MACROD2: variants seen among roughly 807,000 people sequenced by gnomAD.
The protein encoded by MACROD2 is mono-ADP ribosylhydrolase 2.
MACROD2 carries 36 observed loss-of-function variants against 70.4 expected under a neutral mutation model. That is an observed-to-expected ratio of 0.51 (90% CI 0.39 to 0.68). The LOEUF (loss-of-function observed/expected upper bound fraction) is 0.68, where lower values mean the gene tolerates loss of function less well. Ranked by LOEUF, MACROD2 falls within the 30% of genes least tolerant of loss-of-function variation. The probability of loss-of-function intolerance (pLI) is 0.00; values close to 1 mark genes in which losing one functional copy is unlikely to be tolerated. For synonymous variants in MACROD2, 172 were observed against 178.8 expected, an observed-to-expected ratio of 0.96 and a Z score of 0.30; for missense variants, 496 against 538.4, an observed-to-expected ratio of 0.92 and a Z score of 0.78.
chr20:15,974,819 A>G (rs1335823800), intron 13 of MACROD2, among the ~76,000 whole-genome samples: 1 of 152,190 alleles, frequency 6.6e-6, no homozygotes, highest in Non-Finnish European at 1.5e-5. Context: ...ACTTGCAGAC[A>G]CAGGATGGTA....
rs138303380 is a variant in MACROD2, at chr20:14,805,044, G to A, written c.418+120085G>A. The stretch of plus-strand genomic sequence containing the variant: ...CTATGAAGTCTTTATGTGAGCTTCA[G>A]TGGGTCCGTGGATCCTCTAATATTT... On this transcript the variant is annotated intron_variant, in intron 5 of 17. Transcript: ENST00000684519. Among the ~76,000 whole-genome samples the A allele has an allele frequency of 9.9e-4, 151 of 152,142 alleles. 1 individual carries two copies. Among genetic ancestry groups the A allele is most frequent in the African/African-American group, 3.3e-3 (137 of 41,498 alleles).
At chr20:14,182,892 G>T (rs1394543839) in intron 3 of MACROD2, among the ~76,000 whole-genome samples, 1 of 151,568 alleles carries the variant, frequency 6.6e-6, no homozygotes, top group Non-Finnish European at 1.5e-5. Context: ...ACTGCAGAGT[G>T]TTCTTCTCTA....
rs1198198009 is a variant in MACROD2 at position 15,147,059 on chromosome 20, G to A, written c.419-82881G>A. 5.9e-5 allele frequency among the ~76,000 whole-genome samples: 9 copies of A among 152,048 alleles called. No homozygotes were observed. The South Asian group carries it at 6.2e-4, about 10-fold the overall frequency. On this transcript the variant is annotated intron_variant, in intron 5 of 17. Transcript: ENST00000684519. ...TTGATTGGCCTTATGTAAATAAATCGTAACTTAATGCCCTTGAAATTGGAG... is the reference window on the plus strand; with the variant it reads ...TTGATTGGCCTTATGTAAATAAATCATAACTTAATGCCCTTGAAATTGGAG...
chr20:15,722,424 A>T (rs988326917), intron 8 of MACROD2, among the ~76,000 whole-genome samples: 2 of 152,200 alleles, frequency 1.3e-5, no homozygotes, highest in Non-Finnish European at 2.9e-5. Context: ...TAAGGTATGT[A>T]TAATTTTATT....
chr20:14,322,405 C>T (rs1601473448), intron 3 of MACROD2, among the ~76,000 whole-genome samples: 1 of 80,648 alleles, frequency 1.2e-5, no homozygotes, highest in African/African-American at 4.0e-5. Context: ...TCAATATAAT[C>T]TCTTTTTTTT....
In MACROD2 at chr20:16,050,459, G is replaced by A. The variant is rs1223861333; in HGVS notation, c.*583G>A. 6.6e-6 allele frequency: 1 copy of A among 152,364 alleles called. No homozygotes were observed. Among genetic ancestry groups the A allele is most frequent in the East Asian group, 1.9e-4 (1 of 5,202 alleles). The allele number at this position is 152,364 out of a possible 1,614,324, so 9.4% of individuals were successfully genotyped here. A position where few individuals can be genotyped will look rare whatever the true frequency, so the allele number is the denominator to read the frequency against. The stretch of plus-strand genomic sequence containing the variant: ...CCCAAGGCACAATTTGTTCCAAGTG[G>A]CTAATGAGAAATATGGAAGCTGAAT... On this transcript the variant is annotated 3_prime_UTR_variant, in exon 18 of 18. Transcript: ENST00000684519.
intron 5 of MACROD2, among the ~76,000 whole-genome samples, chr20:14,818,747 T>C (rs2072802675): frequency 6.6e-6 from 1 of 151,628 alleles, no homozygotes; most frequent in African/African-American, 2.4e-5. Context: ...GCTACAGCTA[T>C]GGTAATATGA....
chr20:14,651,051 T>G (rs898150662), intron 4 of MACROD2, among the ~76,000 whole-genome samples: 6 of 152,136 alleles, frequency 3.9e-5, no homozygotes, highest in Non-Finnish European at 5.9e-5. Context: ...GTCTATAGAA[T>G]GTCAAGAGGG....
intron 5 of MACROD2, among the ~76,000 whole-genome samples, chr20:14,749,168 C>T (rs767949149): frequency 7.2e-5 from 11 of 151,906 alleles, no homozygotes; most frequent in South Asian, 2.1e-4. Flanking sequence ...AGGAAATTGC[C>T]GTATAACCCA....
chr20:14,021,191 G>A (rs1290551483), intron 2 of MACROD2, among the ~76,000 whole-genome samples: 1 of 151,970 alleles, frequency 6.6e-6, no homozygotes, highest in Non-Finnish European at 1.5e-5. Context: ...CGGTTTCACC[G>A]TGTTAGCCAG....
chr20:14,251,871 A>C (rs187081200), intron 3 of MACROD2, among the ~76,000 whole-genome samples: 10 of 152,188 alleles, frequency 6.6e-5, no homozygotes, highest in Non-Finnish European at 8.8e-5. Context: ...TTTCCTTAAG[A>C]CCATGTATCT....
At chr20:14,002,432 A>T (rs776498095) in intron 2 of MACROD2, 28 bp downstream of exon 2, 1 of 1,437,844 alleles carries the variant, frequency 7.0e-7, no homozygotes, top group Admixed American at 2.0e-5. Context: ...TTTTTTAGGT[A>T]GATATTTTTC....
At chr20:15,614,571 A>G (rs1470771130) in intron 8 of MACROD2, among the ~76,000 whole-genome samples, 1 of 152,166 alleles carries the variant, frequency 6.6e-6, no homozygotes, top group Non-Finnish European at 1.5e-5. Context: ...TGGCAATACC[A>G]CATACATCTA....
intron 5 of MACROD2, among the ~76,000 whole-genome samples, chr20:14,911,657 G>A (rs1202640467): frequency 1.3e-5 from 2 of 151,990 alleles, no homozygotes; most frequent in African/African-American, 2.4e-5. Flanking sequence ...GCAGATGTGA[G>A]CCACCAGACC....
At chr20:15,168,818 G>C (rs896636762) in intron 5 of MACROD2, among the ~76,000 whole-genome samples, 2 of 151,944 alleles carry the variant, frequency 1.3e-5, no homozygotes. Flanking sequence ...TCCATCTCTT[G>C]AACAAAAGAA....
chr20:14,585,512 C>A (rs193030655), intron 4 of MACROD2, among the ~76,000 whole-genome samples: 1 of 152,116 alleles, frequency 6.6e-6, no homozygotes, highest in African/African-American at 2.4e-5. Context: ...TATAGGTAAT[C>A]TTTACAGATG....
intron 3 of MACROD2, among the ~76,000 whole-genome samples, chr20:14,421,920 C>A (rs2083880231): frequency 6.6e-6 from 1 of 152,002 alleles, no homozygotes; most frequent in Non-Finnish European, 1.5e-5. Context: ...AATTTGTTTA[C>A]AGTTTTGTTC....
At chr20:14,643,849 A>G (rs960199426) in intron 4 of MACROD2, among the ~76,000 whole-genome samples, 1 of 152,126 alleles carries the variant, frequency 6.6e-6, no homozygotes, top group Non-Finnish European at 1.5e-5. Flanking sequence ...TTGTTGAATG[A>G]ATGTATGGGT....
At chr20:15,624,657 T>G (rs2049176611) in intron 8 of MACROD2, among the ~76,000 whole-genome samples, 2 of 152,214 alleles carry the variant, frequency 1.3e-5, no homozygotes, top group Admixed American at 6.5e-5. Flanking sequence ...CCAGCCGCTT[T>G]CTGACAAATA....
Sources: gnomAD v4.1 joint callset for allele counts (sites outside exome capture counted in the v4.1 genomes callset) on GRCh38, gnomAD v4.1.1 for gene constraint, MANE v1.5 for transcripts, NCBI Gene and HGNC (gene_info 2026-07-23, HGNC 2026-07-21) for gene names.